RBFOX1: variants seen among roughly 807,000 people sequenced by gnomAD.
RBFOX1 encodes RNA binding fox-1 homolog 1.
In RBFOX1, 8 loss-of-function variants were observed where a neutral mutation model predicts 57.7. The observed-to-expected ratio is 0.14, with a 90% confidence interval of 0.08 to 0.25. The LOEUF is 0.25. Among genes scored for constraint, RBFOX1 ranks in the 10% least tolerant of loss-of-function variants. The pLI, the probability that RBFOX1 is intolerant of heterozygous loss-of-function variation, is 1.00. For synonymous variants in RBFOX1, 326 were observed against 222.4 expected, an observed-to-expected ratio of 1.47 and a Z score of -4.15; for missense variants, 611 against 548.5, an observed-to-expected ratio of 1.11 and a Z score of -1.14.
intron 1 of RBFOX1, among the ~76,000 whole-genome samples, chr16:6,211,503 C>G (rs868208246): frequency 6.6e-6 from 1 of 152,114 alleles, no homozygotes; most frequent in South Asian, 2.1e-4. Flanking sequence ...GCTGGGATTA[C>G]AGGCGTGAGC....
chr16:5,521,534 T>C (rs1300739731), intron 2 of RBFOX1, among the ~76,000 whole-genome samples: 1 of 152,184 alleles, frequency 6.6e-6, no homozygotes, highest in East Asian at 1.9e-4. Flanking sequence ...ACTATTGCCT[T>C]GGTCAGTGAG....
At chr16:7,204,342 C>T (rs1230461503) in intron 4 of RBFOX1, among the ~76,000 whole-genome samples, 1 of 152,102 alleles carries the variant, frequency 6.6e-6, no homozygotes, top group Non-Finnish European at 1.5e-5. Context: ...ATTAGCATTC[C>T]CATATTTATA....
intron 2 of RBFOX1, among the ~76,000 whole-genome samples, chr16:6,633,038 T>G (rs551057575): frequency 6.6e-6 from 1 of 152,256 alleles, no homozygotes; most frequent in African/African-American, 2.4e-5. Context: ...ATACTTGATG[T>G]GTTTTCCTGG....
intron 4 of RBFOX1, among the ~76,000 whole-genome samples, chr16:5,871,606 A>G (rs958043292): frequency 6.6e-6 from 1 of 152,196 alleles, no homozygotes; most frequent in Non-Finnish European, 1.5e-5. Flanking sequence ...ATTGGATTGC[A>G]AATGCGTATG....
chr16:6,310,565 CA>C (rs35094442), intron 1 of RBFOX1, among the ~76,000 whole-genome samples: 44,404 of 152,026 alleles, frequency 0.29, 7,332 homozygotes, highest in Non-Finnish European at 0.38. Context: ...ATTCTATGGA[CA>C]AAAAAACTGA....
At chr16:5,903,907 C>G (rs181767029) in intron 4 of RBFOX1, among the ~76,000 whole-genome samples, 3 of 152,166 alleles carry the variant, frequency 2.0e-5, no homozygotes, top group Non-Finnish European at 4.4e-5. Flanking sequence ...AGCTGGCTTC[C>G]TCTGTCTTTG....
intron 1 of RBFOX1, among the ~76,000 whole-genome samples, chr16:5,388,214 T>C (rs2151411127): frequency 6.6e-6 from 1 of 152,260 alleles, no homozygotes; most frequent in East Asian, 1.9e-4. Context: ...AGCACATTGG[T>C]AGAGGCAGCC....
At chr16:5,528,176 T>C (rs28582465) in intron 2 of RBFOX1, among the ~76,000 whole-genome samples, 56,491 of 151,926 alleles carry the variant, frequency 0.37, 12,032 homozygotes, top group East Asian at 0.85. Flanking sequence ...CCTAAGGTTC[T>C]GCTCGAGACA....
chr16:6,795,955 A>G (rs774713629), intron 3 of RBFOX1, among the ~76,000 whole-genome samples: 5 of 152,134 alleles, frequency 3.3e-5, no homozygotes, highest in Admixed American at 6.5e-5. Flanking sequence ...ACATTGGGAT[A>G]AGGGAATGTT....
At position 5,569,438 on chromosome 16, in the gene RBFOX1, C is replaced by CTTTTTTTTTTTTT. The variant is rs796279138; in HGVS notation, c.259-29447_259-29435dup. On this transcript the variant is annotated intron_variant, in intron 2 of 2. Transcript: ENST00000585867. Reference sequence around the variant, plus strand: ...GTAAGGGTTAATGATAAGAAGTAACCTTTTTTTTTTTTTTTTTTTTTTTTT... The same window carrying CTTTTTTTTTTTTT: ...GTAAGGGTTAATGATAAGAAGTAACCTTTTTTTTTTTTTTTTTTTTTTTTTTTTTTTTTTTTTT... 1.8e-3 allele frequency among the ~76,000 whole-genome samples: 90 copies of CTTTTTTTTTTTTT among 49,210 alleles called. 7 individuals are homozygous for CTTTTTTTTTTTTT. The highest frequency in any genetic ancestry group is 2.4e-3 in the Non-Finnish European group (61 of 25,008). 32.3% of individuals were successfully genotyped at this position (49,210 alleles called of 152,430 possible). A position where few individuals can be genotyped will look rare whatever the true frequency, so the allele number is the denominator to read the frequency against.
chr16:7,001,680 C>G (rs1286347793), intron 3 of RBFOX1, among the ~76,000 whole-genome samples: 2 of 152,230 alleles, frequency 1.3e-5, no homozygotes, highest in East Asian at 3.9e-4. Context: ...TGGTCTCAAA[C>G]TCCTGACCTG....
At chr16:5,410,837 A>G (rs2067001554) in intron 1 of RBFOX1, among the ~76,000 whole-genome samples, 1 of 152,236 alleles carries the variant, frequency 6.6e-6, no homozygotes, top group Non-Finnish European at 1.5e-5. Flanking sequence ...GAAGCTAGAC[A>G]TCAGAGTGAG....
intron 3 of RBFOX1, among the ~76,000 whole-genome samples, chr16:5,736,137 A>G (rs2052561842): frequency 6.6e-6 from 1 of 151,932 alleles, no homozygotes. Context: ...AGGTTTTGTT[A>G]CACGTGGACC....
chr16:5,833,707 A>G (rs2151832128), intron 3 of RBFOX1, among the ~76,000 whole-genome samples: 1 of 152,228 alleles, frequency 6.6e-6, no homozygotes, highest in South Asian at 2.1e-4. Context: ...GAAATGTCTC[A>G]TGTTGGCACA....
chr16:7,362,394 T>G (rs574998491), intron 4 of RBFOX1, among the ~76,000 whole-genome samples: 1 of 151,788 alleles, frequency 6.6e-6, no homozygotes, highest in African/African-American at 2.4e-5. Flanking sequence ...AATGTGTGTG[T>G]GATTGTGTGT....
chr16:6,888,854 C>G (rs1052293110), intron 3 of RBFOX1, among the ~76,000 whole-genome samples: 1 of 152,132 alleles, frequency 6.6e-6, no homozygotes, highest in South Asian at 2.1e-4. Context: ...GTCCTTTATT[C>G]ATCCCTCTTT....
At chr16:7,275,958 C>G (rs191317557) in intron 4 of RBFOX1, among the ~76,000 whole-genome samples, 5 of 152,156 alleles carry the variant, frequency 3.3e-5, no homozygotes, top group Non-Finnish European at 7.3e-5. Context: ...ACCACCACCA[C>G]GAAGTGTGTC....
At chr16:5,752,501 A>C (rs1341961720) in intron 3 of RBFOX1, among the ~76,000 whole-genome samples, 1 of 152,158 alleles carries the variant, frequency 6.6e-6, no homozygotes, top group African/African-American at 2.4e-5. Flanking sequence ...TGTTTTTGCC[A>C]CCCACCTAGC....
At chr16:6,228,203 C>G (rs367752211) in intron 1 of RBFOX1, among the ~76,000 whole-genome samples, 1 of 151,990 alleles carries the variant, frequency 6.6e-6, no homozygotes, top group Non-Finnish European at 1.5e-5. Flanking sequence ...CCCAGCTACT[C>G]GGGGCCGGGG....
Sources: allele counts gnomAD v4.1 joint callset (sites outside exome capture counted in the v4.1 genomes callset), GRCh38; gene constraint gnomAD v4.1.1; transcripts MANE v1.5; gene names NCBI Gene and HGNC (gene_info 2026-07-23, HGNC 2026-07-21).